The following GPR39 variants were observed in gnomAD, a reference collection of about 807,000 sequenced individuals.
The protein encoded by GPR39 is zinc sensing receptor.
Under a neutral mutation model 18.4 loss-of-function variants are expected in GPR39, and 23 were observed. The ratio of observed to expected loss-of-function variants is 1.25; its 90% CI spans 0.90 to 1.77. The LOEUF (loss-of-function observed/expected upper bound fraction) is 1.77, where lower values mean the gene tolerates loss of function less well. GPR39 is among the 40% of genes most tolerant of loss of function. The pLI is 0.00. For synonymous variants in GPR39, 280 were observed against 257.9 expected (o/e 1.09, Z -0.82); for missense variants, 647 against 602.4 (o/e 1.07, Z -0.78).
intron 1 of GPR39, among the ~76,000 whole-genome samples, chr2:132,540,976 C>T (rs1414586684): frequency 1.3e-5 from 2 of 152,126 alleles, no homozygotes; most frequent in African/African-American, 2.4e-5. Context: ...TTGGTGGCTT[C>T]TCTGTGGTGG....
In GPR39 at chr2:132,561,561, T is replaced by A. The variant is rs1573668240; in HGVS notation, c.857-83540T>A. On this transcript the variant is annotated intron_variant, in intron 1 of 1. Transcript: ENST00000329321. ...GATAGGGTTCTCCAGAGAAATAAAATCATTGAATATGAGTGTACACACACA... is the reference window on the plus strand; with the variant it reads ...GATAGGGTTCTCCAGAGAAATAAAAACATTGAATATGAGTGTACACACACA... Among the ~76,000 whole-genome samples the A allele has an allele frequency of 4.2e-5, 6 of 142,514 alleles. No individual in the cohort carries two copies. The East Asian group carries it at 8.2e-4, about 20-fold the overall frequency. The allele number at this position is 142,514 out of a possible 152,430, so 93.5% of individuals were successfully genotyped here.
chr2:132,606,437 G>A (rs1442710082), intron 1 of GPR39, among the ~76,000 whole-genome samples: 1 of 152,214 alleles, frequency 6.6e-6, no homozygotes, highest in Non-Finnish European at 1.5e-5. Flanking sequence ...CAGGGGTGTG[G>A]CTCACTTCTT....
At chr2:132,559,504 TCA>T (rs1680209282) in intron 1 of GPR39, among the ~76,000 whole-genome samples, 3 of 152,032 alleles carry the variant, frequency 2.0e-5, no homozygotes, top group African/African-American at 7.2e-5. Flanking sequence ...AGCACTGACT[TCA>T]CGTGTCAGTG....
At position 132,645,560 on chromosome 2, in the gene GPR39, C is replaced by T. The variant is rs1682020511; in HGVS notation, c.1316C>T (p.Pro439Leu). Residue 439 changes from proline to leucine, a missense_variant, in exon 2 of 2, where the codon CCA (proline) becomes CTA (leucine). Pro to Leu is a moderately conservative substitution (Grantham distance 98, BLOSUM62 -3). This residue lies in a region of GPR39 where 581 missense variants were observed against 506.8 expected (regional missense o/e 1.15). Coordinates refer to ENST00000329321, the MANE Select transcript of GPR39 (RefSeq NM_001508.3). ...CTAGAGCCCAACTCAGGCGCGAAAC[C>T]AGCCAATTCTGCTGCAGAGAATGGT... ...ESLEPNSGAK[P>L]ANSAAENGFQ... is the part of the protein sequence containing the mutation. 1.2e-6 allele frequency: 2 copies of T among 1,614,102 alleles called. No individual in the cohort carries two copies. The highest frequency in any genetic ancestry group is 1.3e-5 in the African/African-American group (1 of 75,044).
intron 1 of GPR39, among the ~76,000 whole-genome samples, chr2:132,524,934 T>C (rs770438756): frequency 6.6e-6 from 1 of 152,160 alleles, no homozygotes; most frequent in Non-Finnish European, 1.5e-5. Flanking sequence ...GCGAATCGCT[T>C]TATACAGCCC....
At chr2:132,564,486 A>G (rs1680310925) in intron 1 of GPR39, among the ~76,000 whole-genome samples, 1 of 152,126 alleles carries the variant, frequency 6.6e-6, no homozygotes, top group Non-Finnish European at 1.5e-5. Flanking sequence ...TTTCCCTATC[A>G]ACATGTCCAA....
In GPR39 at chr2:132,645,746, C is replaced by T; in HGVS notation, c.*140C>T. The T allele has an allele frequency of 8.3e-7, 1 of 1,208,128 alleles. No homozygotes were observed. Among genetic ancestry groups the T allele is most frequent in the Non-Finnish European group, 1.1e-6 (1 of 881,896 alleles). 74.8% of individuals were successfully genotyped at this position (1,208,128 alleles called of 1,614,324 possible). A position where few individuals can be genotyped will look rare whatever the true frequency, so the allele number is the denominator to read the frequency against. On this transcript the variant is annotated 3_prime_UTR_variant, in exon 2 of 2. Transcript: ENST00000329321. Reference sequence around the variant, plus strand: ...CTTTACAAAAGGCAGATGCCCACCTCAGTGACTTCTAAGGACTGACTCTGC... The same window carrying T: ...CTTTACAAAAGGCAGATGCCCACCTTAGTGACTTCTAAGGACTGACTCTGC...
chr2:132,487,782 C>T (rs1000756224), intron 1 of GPR39, among the ~76,000 whole-genome samples: 7 of 151,554 alleles, frequency 4.6e-5, no homozygotes, highest in South Asian at 2.1e-4. Flanking sequence ...GGATAAGAGT[C>T]GTAGAGGGTA....
chr2:132,602,172 C>G (rs1261059877), intron 1 of GPR39, among the ~76,000 whole-genome samples: 1 of 152,042 alleles, frequency 6.6e-6, no homozygotes, highest in Non-Finnish European at 1.5e-5. Flanking sequence ...ACCAACACAG[C>G]ATAATGGTAT....
intron 1 of GPR39, among the ~76,000 whole-genome samples, chr2:132,533,798 G>T (rs1679689583): frequency 6.6e-6 from 1 of 152,148 alleles, no homozygotes; most frequent in Admixed American, 6.6e-5. Context: ...TATGTAGAAA[G>T]CTGAAACTGG....
intron 1 of GPR39, among the ~76,000 whole-genome samples, chr2:132,498,556 A>G (rs1210689712): frequency 6.6e-6 from 1 of 152,098 alleles, no homozygotes; most frequent in Non-Finnish European, 1.5e-5. Context: ...TATCTTTTTC[A>G]TATAATGACT....
At chr2:132,506,786 A>G (rs1171858732) in intron 1 of GPR39, among the ~76,000 whole-genome samples, 1 of 152,186 alleles carries the variant, frequency 6.6e-6, no homozygotes, top group African/African-American at 2.4e-5. Flanking sequence ...ACTACAATTC[A>G]AGATGAGACT....
At position 132,474,289 on chromosome 2, in the gene GPR39, TTTC is replaced by T. The variant is rs1681086098; in HGVS notation, c.856+56395_856+56397del. On this transcript the variant is annotated intron_variant, in intron 1 of 1. Coordinates refer to ENST00000329321, the MANE Select transcript of GPR39 (RefSeq NM_001508.3). The stretch of plus-strand genomic sequence containing the variant: ...ATTCTTCCTCAAGGAAACCTAATCT[TTTC>T]TTCAGTCTGCTGTCTACTACCTCTC... 2.6e-5 allele frequency among the ~76,000 whole-genome samples: 4 copies of T among 152,344 alleles called. No homozygotes were observed. The East Asian group carries it at 5.8e-4, about 22-fold the overall frequency.
At chr2:132,525,969 C>T (rs1330159058) in intron 1 of GPR39, among the ~76,000 whole-genome samples, 1 of 152,186 alleles carries the variant, frequency 6.6e-6, no homozygotes, top group East Asian at 1.9e-4. Flanking sequence ...TCCTTCGTGA[C>T]ATCATGACAA....
intron 1 of GPR39, among the ~76,000 whole-genome samples, chr2:132,546,995 G>C (rs972563879): frequency 2.0e-5 from 3 of 152,126 alleles, no homozygotes; most frequent in Non-Finnish European, 2.9e-5. Context: ...ATTCAAGGGG[G>C]TATTTTCAAA....
chr2:132,517,580 G>A (rs1226698619), intron 1 of GPR39, among the ~76,000 whole-genome samples: 1 of 152,074 alleles, frequency 6.6e-6, no homozygotes, highest in African/African-American at 2.4e-5. Context: ...CAGTTATAAG[G>A]GAGGAAAGAG....
chr2:132,582,323 T>C (rs1403260906), intron 1 of GPR39, among the ~76,000 whole-genome samples: 1 of 152,220 alleles, frequency 6.6e-6, no homozygotes, highest in African/African-American at 2.4e-5. Flanking sequence ...AGATCCTCCG[T>C]GAGCTGCTGT....
chr2:132,524,185 T>C (rs1403487331), intron 1 of GPR39, among the ~76,000 whole-genome samples: 2 of 152,226 alleles, frequency 1.3e-5, no homozygotes, highest in African/African-American at 4.8e-5. Context: ...TGAGATCTGA[T>C]AGAGCAGCCA....
At chr2:132,525,790 C>T (rs1276381758) in intron 1 of GPR39, among the ~76,000 whole-genome samples, 2 of 152,160 alleles carry the variant, frequency 1.3e-5, no homozygotes, top group Non-Finnish European at 2.9e-5. Context: ...ACGTGTGTGA[C>T]AAGGAAGACA....
Sources: allele counts gnomAD v4.1 joint callset (sites outside exome capture counted in the v4.1 genomes callset), GRCh38; gene constraint gnomAD v4.1.1; regional missense constraint gnomAD v4.1.1; transcripts MANE v1.5; gene names NCBI Gene and HGNC (gene_info 2026-07-23, HGNC 2026-07-21).